Variants in DENND1A observed in about 807,000 individuals in gnomAD.
DENND1A encodes the protein DENN domain containing 1A, also known as DENN domain-containing protein 1A.
A neutral mutation model predicts 113.7 loss-of-function variants in DENND1A; 51 were observed. The ratio of observed to expected loss-of-function variants is 0.45; its 90% CI spans 0.36 to 0.57. The LOEUF is 0.57. Ranked by LOEUF, DENND1A falls within the 20% of genes least tolerant of loss-of-function variation. The pLI is 0.00. For synonymous variants in DENND1A, 565 were observed against 570.8 expected (o/e 0.99, Z 0.14); for missense variants, 1,258 against 1,395.9 (o/e 0.90, Z 1.57).
At chr9:123,626,813 AG>A (rs34702910) in intron 10 of DENND1A, among the ~76,000 whole-genome samples, 1 of 152,156 alleles carries the variant, frequency 6.6e-6, no homozygotes, top group East Asian at 1.9e-4. Flanking sequence ...GGCAGCAGAA[AG>A]GGGTGTTTAA....
chr9:123,630,502 A>G lies in DENND1A; in HGVS notation c.619-26T>C, dbSNP rs200297762. The G allele has an allele frequency of 1.5e-3, 2,248 of 1,485,994 alleles. 4 individuals are homozygous for G. The highest frequency in any genetic ancestry group is 1.9e-3 in the Non-Finnish European group (2,065 of 1,104,544). The allele number at this position is 1,485,994 out of a possible 1,614,324, so 92.1% of individuals were successfully genotyped here. ...CTGGAACAGAGCAAAGCAGAGATCAATGAACAAATCCAAGGGAGGAGACAC... is the reference window on the plus strand; with the variant it reads ...CTGGAACAGAGCAAAGCAGAGATCAGTGAACAAATCCAAGGGAGGAGACAC... On this transcript the variant is annotated intron_variant, in intron 9 of 23. Coordinates refer to ENST00000394215, the MANE Select transcript of DENND1A (RefSeq NM_001352964.2).
chr9:123,406,036 C>G (rs2043821222), intron 20 of DENND1A, among the ~76,000 whole-genome samples: 2 of 151,984 alleles, frequency 1.3e-5, no homozygotes, highest in African/African-American at 2.4e-5. Context: ...GGCACACACT[C>G]CACTTCCTGC....
chr9:123,836,851 A>G (rs961580699), intron 2 of DENND1A, among the ~76,000 whole-genome samples: 1 of 152,188 alleles, frequency 6.6e-6, no homozygotes, highest in African/African-American at 2.4e-5. Flanking sequence ...TTTAACAGAT[A>G]ATTTACAAAA....
At chr9:123,865,090 T>G (rs1845629617) in intron 2 of DENND1A, among the ~76,000 whole-genome samples, 1 of 152,354 alleles carries the variant, frequency 6.6e-6, no homozygotes, top group East Asian at 1.9e-4. Context: ...CTCTTCCTTC[T>G]GCTGGAATGT....
At chr9:123,616,877 A>G (rs1472414502) in intron 10 of DENND1A, among the ~76,000 whole-genome samples, 1 of 152,286 alleles carries the variant, frequency 6.6e-6, no homozygotes, top group Non-Finnish European at 1.5e-5. Context: ...TCTGGTCCCC[A>G]TGTGAAGCTC....
chr9:123,404,524 C>T (rs2043776888), intron 20 of DENND1A, among the ~76,000 whole-genome samples: 1 of 152,050 alleles, frequency 6.6e-6, no homozygotes, highest in Non-Finnish European at 1.5e-5. Context: ...CAGGACAAGA[C>T]AGGGAAGGGA....
chr9:123,646,729 C>T (rs566634234), intron 9 of DENND1A, among the ~76,000 whole-genome samples: 2 of 152,214 alleles, frequency 1.3e-5, no homozygotes, highest in South Asian at 4.1e-4. Flanking sequence ...AGAATGCAAG[C>T]TTCATGAGGA....
intron 10 of DENND1A, among the ~76,000 whole-genome samples, chr9:123,623,528 T>C (rs1339295865): frequency 6.6e-6 from 1 of 152,176 alleles, no homozygotes; most frequent in Non-Finnish European, 1.5e-5. Context: ...TTCCACACTA[T>C]TGTCCACTCC....
At chr9:123,419,343 G>T (rs182546163) in intron 19 of DENND1A, among the ~76,000 whole-genome samples, 33 of 152,366 alleles carry the variant, frequency 2.2e-4, no homozygotes, top group Non-Finnish European at 4.3e-4. Flanking sequence ...CCTGCCAGGT[G>T]CCTACCTGCC....
chr9:123,706,546 C>A (rs1448963085), intron 5 of DENND1A, among the ~76,000 whole-genome samples: 3 of 151,434 alleles, frequency 2.0e-5, no homozygotes, highest in Non-Finnish European at 4.4e-5. Flanking sequence ...CCGAGACGGG[C>A]GGATCACGAG....
At chr9:123,831,032 G>C (rs1347987080) in intron 2 of DENND1A, among the ~76,000 whole-genome samples, 1 of 151,978 alleles carries the variant, frequency 6.6e-6, no homozygotes, top group Non-Finnish European at 1.5e-5. Context: ...TTATTTGCAG[G>C]CAACATGATT....
intron 1 of DENND1A, among the ~76,000 whole-genome samples, chr9:123,889,977 G>GA (rs951187027): frequency 1.3e-3 from 189 of 144,990 alleles, no homozygotes; most frequent in Non-Finnish European, 1.8e-3. Context: ...CCATCTTCGG[G>GA]AAAAAAAAAA....
chr9:123,785,402 C>T (rs1564266367), intron 3 of DENND1A, among the ~76,000 whole-genome samples: 1 of 152,030 alleles, frequency 6.6e-6, no homozygotes, highest in African/African-American at 2.4e-5. Flanking sequence ...TCAGCAAACA[C>T]TTTAAAAAGC....
At chr9:123,649,879 T>C (rs940396467) in intron 9 of DENND1A, among the ~76,000 whole-genome samples, 5 of 152,210 alleles carry the variant, frequency 3.3e-5, no homozygotes, top group African/African-American at 9.6e-5. Flanking sequence ...TTCTTCCTTA[T>C]CTATAAGATG....
intron 10 of DENND1A, among the ~76,000 whole-genome samples, chr9:123,621,001 A>C (rs559514427): frequency 6.6e-6 from 1 of 152,214 alleles, no homozygotes; most frequent in Non-Finnish European, 1.5e-5. Flanking sequence ...CACTTGCTGC[A>C]AAATGGCAAT....
chr9:123,704,444 G>A (rs1388131392), intron 5 of DENND1A, among the ~76,000 whole-genome samples: 1 of 152,242 alleles, frequency 6.6e-6, no homozygotes, highest in Admixed American at 6.5e-5. Context: ...CCAGTGACAC[G>A]TCTAACTAAA....
intron 13 of DENND1A, among the ~76,000 whole-genome samples, chr9:123,493,687 G>C (rs1382270193): frequency 1.3e-5 from 2 of 152,176 alleles, no homozygotes; most frequent in Non-Finnish European, 2.9e-5. Flanking sequence ...ATTTCTGGGG[G>C]TCAAATTTAG....
chr9:123,537,106 G>T lies in DENND1A; in HGVS notation c.993+20464C>A, dbSNP rs143802833. ...AAACTACAACCTACTGTGTCAAAATGAGCTAAAGACACTAAGAAAATGGCA... is the reference window on the plus strand; with the variant it reads ...AAACTACAACCTACTGTGTCAAAATTAGCTAAAGACACTAAGAAAATGGCA... On this transcript the variant is annotated intron_variant, in intron 13 of 23. Transcript: ENST00000394215. 2.3e-3 allele frequency among the ~76,000 whole-genome samples: 348 copies of T among 152,128 alleles called. 1 individual carries two copies. Among genetic ancestry groups the T allele is most frequent in the Non-Finnish European group, 3.5e-3 (238 of 67,998 alleles).
At chr9:123,471,667 G>A (rs1362145054) in intron 13 of DENND1A, among the ~76,000 whole-genome samples, 1 of 152,182 alleles carries the variant, frequency 6.6e-6, no homozygotes, top group African/African-American at 2.4e-5. Context: ...ACAAAGACAG[G>A]CTCTTGAGCC....
Sources: allele counts gnomAD v4.1 joint callset (sites outside exome capture counted in the v4.1 genomes callset), GRCh38; gene constraint gnomAD v4.1.1; transcripts MANE v1.5; gene names NCBI Gene and HGNC (gene_info 2026-07-23, HGNC 2026-07-21).